The following SNTG1 variants were observed in gnomAD, a reference collection of about 807,000 sequenced individuals.
The protein encoded by SNTG1 is syntrophin gamma 1, also known as gamma-1-syntrophin.
Under a neutral mutation model 74.7 loss-of-function variants are expected in SNTG1, and 39 were observed. The ratio of observed to expected loss-of-function variants is 0.52; its 90% CI spans 0.40 to 0.68. The LOEUF (loss-of-function observed/expected upper bound fraction) is 0.68, where lower values mean the gene tolerates loss of function less well. SNTG1 is among the 30% of genes least tolerant of loss of function. The pLI, the probability that SNTG1 is intolerant of heterozygous loss-of-function variation, is 0.00. For missense variants in SNTG1, 685 were observed against 609.5 expected, an observed-to-expected ratio of 1.12 and a Z score of -1.30; for synonymous variants, 254 against 217.1, an observed-to-expected ratio of 1.17 and a Z score of -1.49.
intron 8 of SNTG1, among the ~76,000 whole-genome samples, chr8:50,451,672 G>T (rs1209936437): frequency 1.3e-5 from 2 of 152,098 alleles, no homozygotes; most frequent in Non-Finnish European, 2.9e-5. Flanking sequence ...CAGGGATGTG[G>T]ATTTTAGCAA....
rs545033187 is a variant in SNTG1 at position 50,754,374 on chromosome 8, T to A, written c.1395+2263T>A. On this transcript the variant is annotated intron_variant, in intron 18 of 18. Coordinates refer to ENST00000642720, the MANE Select transcript of SNTG1 (RefSeq NM_018967.5). ...CCTGCAAGGTTTGGGTATTGTCACT[T>A]AAAATTTTGGTTCTGCTCATCATAG... is the stretch of plus-strand genomic sequence containing the variant. Among the ~76,000 whole-genome samples, 153 of 152,074 alleles carry A rather than the reference T, an allele frequency of 1.0e-3. 1 individual carries two copies. Among genetic ancestry groups the A allele is most frequent in the African/African-American group, 3.6e-3 (149 of 41,562 alleles).
intron 8 of SNTG1, among the ~76,000 whole-genome samples, chr8:50,480,355 A>G (rs116794975): frequency 2.0e-5 from 3 of 152,126 alleles, no homozygotes; most frequent in African/African-American, 4.8e-5. Flanking sequence ...TTCGGAATGA[A>G]TGGGGCATTG....
At chr8:50,144,949 C>T (rs1022976413) in intron 1 of SNTG1, among the ~76,000 whole-genome samples, 4 of 152,130 alleles carry the variant, frequency 2.6e-5, no homozygotes, top group Non-Finnish European at 5.9e-5. Flanking sequence ...GAGAGCAGGA[C>T]TTGAGCTGCC....
At chr8:50,677,080 C>A (rs1286063868) in intron 15 of SNTG1, among the ~76,000 whole-genome samples, 1 of 151,828 alleles carries the variant, frequency 6.6e-6, no homozygotes, top group Non-Finnish European at 1.5e-5. Context: ...TAAAGTGAGT[C>A]TAAAAGCAAT....
chr8:50,480,664 A>G (rs918730934), intron 8 of SNTG1, among the ~76,000 whole-genome samples: 1 of 152,224 alleles, frequency 6.6e-6, no homozygotes, highest in Non-Finnish European at 1.5e-5. Flanking sequence ...TTTCTTTCAC[A>G]GTGACCCAAT....
At chr8:50,663,007 G>A (rs1230578607) in intron 15 of SNTG1, among the ~76,000 whole-genome samples, 1 of 152,146 alleles carries the variant, frequency 6.6e-6, no homozygotes, top group African/African-American at 2.4e-5. Context: ...AAGGAGTTTA[G>A]GAAGGGCATT....
At chr8:50,782,243 T>C (rs891156102) in intron 18 of SNTG1, among the ~76,000 whole-genome samples, 16 of 152,152 alleles carry the variant, frequency 1.1e-4, no homozygotes, top group Non-Finnish European at 2.4e-4. Flanking sequence ...TGAATCTCAA[T>C]GTTGGCCTGC....
intron 18 of SNTG1, 83 bp from the exon 19 acceptor site, chr8:50,792,588 A>T: frequency 2.2e-6 from 3 of 1,364,816 alleles, no homozygotes; most frequent in Non-Finnish European, 3.0e-6. Context: ...AAGTGTATTG[A>T]AATTGAAAAA....
chr8:50,447,567 C>G (rs377017452), intron 5 of SNTG1, among the ~76,000 whole-genome samples: 2 of 152,136 alleles, frequency 1.3e-5, no homozygotes, highest in South Asian at 2.1e-4. Flanking sequence ...TACGCTGGGC[C>G]TGGAAAAGCC....
At chr8:50,690,275 A>C (rs373977793) in intron 15 of SNTG1, among the ~76,000 whole-genome samples, 7 of 151,612 alleles carry the variant, frequency 4.6e-5, no homozygotes, top group South Asian at 2.1e-4. Context: ...TTAGTTATTT[A>C]TTGCCTTCTG....
At chr8:50,254,265 G>T (rs570075926) in intron 2 of SNTG1, among the ~76,000 whole-genome samples, 2 of 152,082 alleles carry the variant, frequency 1.3e-5, no homozygotes, top group African/African-American at 4.8e-5. Context: ...CTATATTCTC[G>T]ATCAATACAA....
At chr8:50,145,647 A>C (rs964876860) in intron 1 of SNTG1, among the ~76,000 whole-genome samples, 15 of 152,178 alleles carry the variant, frequency 9.9e-5, no homozygotes, top group Non-Finnish European at 1.6e-4. Context: ...ACTCTGCTTC[A>C]GGGATTAATA....
At chr8:50,648,965 A>C (rs1377143109) in intron 13 of SNTG1, among the ~76,000 whole-genome samples, 3 of 152,180 alleles carry the variant, frequency 2.0e-5, no homozygotes, top group Non-Finnish European at 4.4e-5. Context: ...ATCAAATCAT[A>C]TATATGTATG....
intron 1 of SNTG1, among the ~76,000 whole-genome samples, chr8:50,022,691 G>C (rs968127860): frequency 6.6e-6 from 1 of 152,200 alleles, no homozygotes; most frequent in Admixed American, 6.5e-5. Flanking sequence ...ACTGCTTACT[G>C]TCTGTGTTTT....
intron 1 of SNTG1, among the ~76,000 whole-genome samples, chr8:49,947,204 G>A (rs566317740): frequency 9.4e-4 from 143 of 152,232 alleles, no homozygotes; most frequent in African/African-American, 3.3e-3. Flanking sequence ...GGGAGGCTAA[G>A]GCAGGAGAAT....
At chr8:50,439,161 A>G (rs1026398151) in intron 5 of SNTG1, among the ~76,000 whole-genome samples, 1 of 152,112 alleles carries the variant, frequency 6.6e-6, no homozygotes, top group Non-Finnish European at 1.5e-5. Context: ...TATTTTGTAT[A>G]TTATTGACTA....
At chr8:50,787,308 G>C (rs751088720) in intron 18 of SNTG1, among the ~76,000 whole-genome samples, 8 of 151,678 alleles carry the variant, frequency 5.3e-5, no homozygotes, top group Non-Finnish European at 5.9e-5. Flanking sequence ...CTATAGGATG[G>C]TTATAATATT....
chr8:50,737,685 G>A (rs1296747931), intron 17 of SNTG1, among the ~76,000 whole-genome samples: 2 of 152,094 alleles, frequency 1.3e-5, no homozygotes, highest in Admixed American at 6.6e-5. Context: ...ACGAAATCCA[G>A]CAGCACATCA....
At chr8:50,743,292 G>T (rs1273843032) in intron 17 of SNTG1, among the ~76,000 whole-genome samples, 1 of 151,632 alleles carries the variant, frequency 6.6e-6, no homozygotes, top group Non-Finnish European at 1.5e-5. Flanking sequence ...CATATTAAAA[G>T]GATTATACAC....
Sources: allele counts gnomAD v4.1 joint callset (sites outside exome capture counted in the v4.1 genomes callset), GRCh38; gene constraint gnomAD v4.1.1; transcripts MANE v1.5; gene names NCBI Gene and HGNC (gene_info 2026-07-23, HGNC 2026-07-21).